The following CC2D2B variants were observed in gnomAD, a reference collection of about 807,000 sequenced individuals.
CC2D2B encodes coiled-coil and C2 domain containing 2B.
CC2D2B carries 128 observed loss-of-function variants against 161.2 expected under a neutral mutation model. That is an observed-to-expected ratio of 0.79 (90% CI 0.69 to 0.92). The LOEUF (loss-of-function observed/expected upper bound fraction) is 0.92. Among genes scored for constraint, CC2D2B ranks in the 40% least tolerant of loss-of-function variants. CC2D2B has a pLI of 0.00. For missense variants in CC2D2B, 1,173 were observed against 1,375.1 expected, an observed-to-expected ratio of 0.85 and a Z score of 2.32; for synonymous variants, 391 against 449.8, an observed-to-expected ratio of 0.87 and a Z score of 1.65.
intron 32 of CC2D2B, among the ~76,000 whole-genome samples, chr10:96,024,245 ATGTG>A (rs34536704): frequency 8.0e-5 from 12 of 149,814 alleles, no homozygotes; most frequent in Non-Finnish European, 7.4e-5. Context: ...GTGTATGTGC[ATGTG>A]TGTGTGTGTG....
chr10:96,025,039 T>C (rs1313182095), intron 33 of CC2D2B, 128 bp downstream of exon 33: 1 of 464,782 alleles, frequency 2.2e-6, no homozygotes, highest in Non-Finnish European at 3.8e-6. Flanking sequence ...GCTGGCCCAG[T>C]GGCTCACACC....
intron 24 of CC2D2B, chr10:95,999,676 A>G (rs2078384027): frequency 5.6e-6 from 1 of 177,340 alleles, no homozygotes; most frequent in Admixed American, 6.1e-5. Flanking sequence ...TTTGCTTTAA[A>G]TATTTATTTG....
chr10:95,958,503 A>T lies in CC2D2B; in HGVS notation c.1109+3012A>T, dbSNP rs565528772. Reference sequence around the variant, plus strand: ...TGAGACTCTGTCTCAGTAAATAAATAAATTAATTAATTAATTAAATAAACC... The same window carrying T: ...TGAGACTCTGTCTCAGTAAATAAATTAATTAATTAATTAATTAAATAAACC... On this transcript the variant is annotated intron_variant, in intron 11 of 34. Transcript: ENST00000646931. Among the ~76,000 whole-genome samples, 154 of 151,286 alleles carry T rather than the reference A, an allele frequency of 1.0e-3. 1 individual carries two copies. Among genetic ancestry groups the T allele is most frequent in the Middle Eastern group, 6.8e-3 (2 of 292 alleles).
intron 11 of CC2D2B, among the ~76,000 whole-genome samples, chr10:95,956,507 T>C (rs1303239732): frequency 1.3e-5 from 2 of 152,116 alleles, no homozygotes; most frequent in African/African-American, 2.4e-5. Flanking sequence ...CCAAAGAGAA[T>C]TTATAGAATT....
intron 10 of CC2D2B, among the ~76,000 whole-genome samples, chr10:95,951,445 C>G (rs2076398554): frequency 2.0e-5 from 3 of 152,190 alleles, no homozygotes; most frequent in Non-Finnish European, 2.9e-5. Context: ...AGCCACCATG[C>G]CCAGCCAGGA....
intron 24 of CC2D2B, among the ~76,000 whole-genome samples, chr10:96,001,596 G>A (rs1403737576): frequency 6.6e-6 from 1 of 152,148 alleles, no homozygotes; most frequent in East Asian, 1.9e-4. Context: ...AAAGTGAAAG[G>A]CTTCAGATCC....
At chr10:95,960,959 C>G (rs2076738839) in intron 11 of CC2D2B, among the ~76,000 whole-genome samples, 1 of 152,116 alleles carries the variant, frequency 6.6e-6, no homozygotes, top group Non-Finnish European at 1.5e-5. Context: ...TTAATCTAAG[C>G]CAATCCCTCA....
At chr10:95,953,887 C>G (rs1245557650) in intron 10 of CC2D2B, among the ~76,000 whole-genome samples, 1 of 152,190 alleles carries the variant, frequency 6.6e-6, no homozygotes, top group African/African-American at 2.4e-5. Flanking sequence ...AGCGTAGTGT[C>G]TCACATTGAG....
Position 96,027,216 on chromosome 10 carries a change from G to T in CC2D2B, c.3952G>T (p.Glu1318Ter). 6.6e-7 allele frequency: 1 copy of T among 1,524,956 alleles called. No homozygotes were observed. Among genetic ancestry groups the T allele is most frequent in the Non-Finnish European group, 8.8e-7 (1 of 1,133,674 alleles). The allele number at this position is 1,524,956 out of a possible 1,614,324, so 94.5% of individuals were successfully genotyped here. The change falls in exon 34 of 35, where the codon GAA (glutamate) becomes TAA (stop). Residue 1318 changes from glutamate to a stop codon, truncating the protein, a stop_gained. Coordinates refer to ENST00000646931, the MANE Select transcript of CC2D2B (RefSeq NM_001349008.3). LOFTEE classifies it high-confidence loss of function. The stretch of plus-strand genomic sequence containing the variant: ...ACCTTTGGATTCTTACCTTAGGATC[G>T]AAAGGACTCTGAAGAGTAAAGTGAT... The part of the protein sequence containing the change: ...SMVEDLRNRI[E>*]RTLKSKVMEW...
intron 24 of CC2D2B, chr10:96,000,798 T>C (rs1008122222): frequency 6.6e-6 from 1 of 152,186 alleles, no homozygotes; most frequent in Non-Finnish European, 1.5e-5. Context: ...TGAAAAGAAG[T>C]TTTAAACTGT....
At chr10:96,025,182 TATAAAA>T (rs1564684186) in intron 33 of CC2D2B, among the ~76,000 whole-genome samples, 3 of 13,572 alleles carry the variant, frequency 2.2e-4, no homozygotes, top group Non-Finnish European at 4.8e-4. Context: ...TATATATATA[TATAAAA>T]AAAAATATAT....
chr10:95,964,665 G>A lies in CC2D2B; in HGVS notation c.1251-1231G>A, dbSNP rs534232809. Among the ~76,000 whole-genome samples the A allele has an allele frequency of 2.0e-5, 3 of 152,240 alleles. No individual in the cohort carries two copies. In the South Asian group the frequency reaches 6.2e-4, roughly 32 times the overall value. ...TTCTTAAGGAATTTACCCAGATTCTGCAGTGCCATTAATGGGGCTGGGTTT... is the reference window on the plus strand; with the variant it reads ...TTCTTAAGGAATTTACCCAGATTCTACAGTGCCATTAATGGGGCTGGGTTT... On this transcript the variant is annotated intron_variant, in intron 12 of 34. Transcript: ENST00000646931.
chr10:95,946,139 C>T (rs1346318136), intron 9 of CC2D2B, among the ~76,000 whole-genome samples: 3 of 152,148 alleles, frequency 2.0e-5, no homozygotes, highest in African/African-American at 7.2e-5. Context: ...CAGGTCACTT[C>T]TACTTATTTG....
intron 20 of CC2D2B, among the ~76,000 whole-genome samples, chr10:95,990,934 G>C (rs2077929195): frequency 6.6e-6 from 1 of 152,154 alleles, no homozygotes; most frequent in African/African-American, 2.4e-5. Flanking sequence ...GTCAGAATAG[G>C]ATTGACTCGA....
At chr10:95,911,603 T>G (rs1256296565) in intron 2 of CC2D2B, among the ~76,000 whole-genome samples, 1 of 152,212 alleles carries the variant, frequency 6.6e-6, no homozygotes, top group Non-Finnish European at 1.5e-5. Context: ...ATCTATTTGT[T>G]TATATGTTCT....
chr10:95,948,188 G>A lies in CC2D2B; in HGVS notation c.802-1708G>A, dbSNP rs377619810. Among the ~76,000 whole-genome samples the A allele has an allele frequency of 6.0e-5, 9 of 149,680 alleles. No individual in the cohort carries two copies. In the East Asian group the frequency reaches 9.9e-4, roughly 16 times the overall value. ...TTCATATGGAACCAAAAAAGAGCCC[G>A]CATCGCCAAGTCAATCCTAAGCCAA... On this transcript the variant is annotated intron_variant, in intron 9 of 34. Transcript: ENST00000646931.
chr10:95,966,169 T>A, intron 13 of CC2D2B, 21 bp from the exon 14 acceptor site: 1 of 938,046 alleles, frequency 1.1e-6, no homozygotes, highest in Non-Finnish European at 1.4e-6. Context: ...GCAAATCATA[T>A]ATTTATTTTT....
At chr10:96,030,056 TC>T (rs2080002003) in intron 34 of CC2D2B, among the ~76,000 whole-genome samples, 1 of 152,126 alleles carries the variant, frequency 6.6e-6, no homozygotes, top group African/African-American at 2.4e-5. Context: ...CAAATGATCC[TC>T]CAGCCTTAGC....
intron 30 of CC2D2B, among the ~76,000 whole-genome samples, chr10:96,018,035 G>A (rs1469366145): frequency 1.3e-5 from 2 of 152,172 alleles, no homozygotes; most frequent in Non-Finnish European, 2.9e-5. Context: ...CAGGAGTAAT[G>A]CCACTCACAG....
Sources: gnomAD v4.1 joint callset for allele counts (sites outside exome capture counted in the v4.1 genomes callset) on GRCh38, gnomAD v4.1.1 for gene constraint, MANE v1.5 for transcripts, NCBI Gene and HGNC (gene_info 2026-07-23, HGNC 2026-07-21) for gene names.